The following CTNNA2 variants were observed in gnomAD, a reference collection of about 807,000 sequenced individuals.
CTNNA2 encodes catenin alpha 2, also known as catenin alpha-2.
Under a neutral mutation model 101.0 loss-of-function variants are expected in CTNNA2, and 42 were observed. The observed-to-expected ratio is 0.42, with a 90% CI of 0.32 to 0.54. The LOEUF (loss-of-function observed/expected upper bound fraction) is 0.54. Ranked by LOEUF, CTNNA2 falls within the 20% of genes least tolerant of loss-of-function variation. The pLI is 0.14. For synonymous variants in CTNNA2, 450 were observed against 456.4 expected (o/e 0.99, Z 0.18); for missense variants, 871 against 1,223.1 (o/e 0.71, Z 4.29).
chr2:79,361,643 T>C (rs955863796), intron 3 of CTNNA2, among the ~76,000 whole-genome samples: 1 of 152,130 alleles, frequency 6.6e-6, no homozygotes, highest in East Asian at 1.9e-4. Flanking sequence ...GATATACATA[T>C]AAAGGGGAGT....
At chr2:79,850,736 G>T (rs1680638649) in intron 3 of CTNNA2, among the ~76,000 whole-genome samples, 1 of 152,162 alleles carries the variant, frequency 6.6e-6, no homozygotes, top group South Asian at 2.1e-4. Flanking sequence ...TCCTCAGATA[G>T]AAAGGGTGAC....
At chr2:79,205,478 T>C (rs951182403) in intron 2 of CTNNA2, among the ~76,000 whole-genome samples, 3 of 152,180 alleles carry the variant, frequency 2.0e-5, no homozygotes, top group Non-Finnish European at 4.4e-5. Context: ...AATGAAATAT[T>C]GGGCTCTGAA....
chr2:79,367,860 G>A (rs1179431697), intron 3 of CTNNA2, among the ~76,000 whole-genome samples: 1 of 152,098 alleles, frequency 6.6e-6, no homozygotes, highest in Admixed American at 6.5e-5. Flanking sequence ...TGGTGAGAGA[G>A]GTACCATTAT....
chr2:80,456,357 G>A (rs1574081161), intron 9 of CTNNA2, among the ~76,000 whole-genome samples: 1 of 152,210 alleles, frequency 6.6e-6, no homozygotes, highest in African/African-American at 2.4e-5. Flanking sequence ...GCTTCTGTGT[G>A]TTGTGCAGCC....
chr2:80,121,524 C>A (rs1558828321), intron 7 of CTNNA2, among the ~76,000 whole-genome samples: 1 of 151,932 alleles, frequency 6.6e-6, no homozygotes, highest in South Asian at 2.1e-4. Context: ...ATAGTAAGTG[C>A]CTTAGAATCA....
intron 3 of CTNNA2, among the ~76,000 whole-genome samples, chr2:79,845,699 T>G (rs1680182391): frequency 6.6e-6 from 1 of 152,230 alleles, no homozygotes. Context: ...AAGAAAGCTT[T>G]GATAGCACAT....
intron 7 of CTNNA2, among the ~76,000 whole-genome samples, chr2:79,920,893 C>T (rs1298028727): frequency 6.6e-6 from 1 of 152,142 alleles, no homozygotes; most frequent in African/African-American, 2.4e-5. Flanking sequence ...TTATTTCTGT[C>T]GCTACAGAGT....
rs554885199 is a variant in CTNNA2, at chr2:79,499,943, C to T, written c.-134-5111C>T. ...CAGCAGCCTGGAGACCCAGGACAGC[C>T]GACGGTACAGACAAATTTTGAATGC... On this transcript the variant is annotated intron_variant, in intron 4 of 21. Transcript: ENST00000466387. Among the ~76,000 whole-genome samples the T allele has an allele frequency of 1.6e-4, 25 of 152,282 alleles. No individual in the cohort carries two copies. In the East Asian group the frequency reaches 2.7e-3, roughly 16 times the overall value.
intron 7 of CTNNA2, among the ~76,000 whole-genome samples, chr2:80,098,643 G>A (rs527709468): frequency 1.3e-5 from 2 of 152,220 alleles, no homozygotes; most frequent in Admixed American, 6.5e-5. Flanking sequence ...CCGAGCTGTG[G>A]TGGGGTCCAC....
chr2:80,573,320 AG>A (rs1317934234), intron 12 of CTNNA2: 4 of 152,200 alleles, frequency 2.6e-5, no homozygotes, highest in African/African-American at 9.6e-5. Context: ...ACTAATCTCT[AG>A]GGTGTGTGCA....
chr2:79,609,436 T>C (rs1678122766), intron 1 of CTNNA2, among the ~76,000 whole-genome samples: 1 of 152,046 alleles, frequency 6.6e-6, no homozygotes, highest in Admixed American at 6.6e-5. Context: ...TTGGCAAAAA[T>C]TGACAAGCTC....
chr2:80,406,925 TG>T (rs1390314779), intron 8 of CTNNA2, among the ~76,000 whole-genome samples: 1 of 151,962 alleles, frequency 6.6e-6, no homozygotes, highest in Non-Finnish European at 1.5e-5. Flanking sequence ...CCTGCTGCTC[TG>T]GGTGCATTCT....
At chr2:80,494,091 C>T (rs1040941756) in intron 9 of CTNNA2, among the ~76,000 whole-genome samples, 2 of 151,936 alleles carry the variant, frequency 1.3e-5, no homozygotes, top group Non-Finnish European at 2.9e-5. Flanking sequence ...CCTGATAGGA[C>T]TAGAACAGGA....
intron 8 of CTNNA2, among the ~76,000 whole-genome samples, chr2:80,408,819 CT>C (rs1679294067): frequency 6.6e-6 from 1 of 152,138 alleles, no homozygotes; most frequent in Non-Finnish European, 1.5e-5. Context: ...ACACATAGAT[CT>C]TAAGTAAAAT....
intron 2 of CTNNA2, among the ~76,000 whole-genome samples, chr2:79,669,775 C>T (rs953254709): frequency 2.6e-5 from 4 of 152,192 alleles, no homozygotes; most frequent in African/African-American, 9.6e-5. Context: ...TCTCTGTCCT[C>T]TTTGTCCTCT....
intron 1 of CTNNA2, among the ~76,000 whole-genome samples, chr2:79,592,970 T>G (rs1676956823): frequency 6.6e-6 from 1 of 152,186 alleles, no homozygotes; most frequent in Admixed American, 6.5e-5. Flanking sequence ...TCCTCAGAAC[T>G]ATGTGGGGTA....
At chr2:79,979,926 T>C (rs1691137318) in intron 7 of CTNNA2, among the ~76,000 whole-genome samples, 1 of 152,136 alleles carries the variant, frequency 6.6e-6, no homozygotes, top group South Asian at 2.1e-4. Context: ...ACTGAGACAT[T>C]GAAGCAGACA....
intron 4 of CTNNA2, among the ~76,000 whole-genome samples, chr2:79,412,871 T>C (rs1446750618): frequency 6.6e-6 from 1 of 152,078 alleles, no homozygotes; most frequent in Non-Finnish European, 1.5e-5. Flanking sequence ...GAAAAGGAAA[T>C]GAGCATTAGT....
At chr2:80,092,316 G>C (rs1413851477) in intron 7 of CTNNA2, among the ~76,000 whole-genome samples, 1 of 152,138 alleles carries the variant, frequency 6.6e-6, no homozygotes, top group Non-Finnish European at 1.5e-5. Flanking sequence ...AGGAGTCAAA[G>C]AGATAGCTCC....
Sources: gnomAD v4.1 joint callset for allele counts (sites outside exome capture counted in the v4.1 genomes callset) on GRCh38, gnomAD v4.1.1 for gene constraint, MANE v1.5 for transcripts, NCBI Gene and HGNC (gene_info 2026-07-23, HGNC 2026-07-21) for gene names.